Variants in PDE11A observed in about 807,000 individuals in gnomAD.
PDE11A encodes dual 3',5'-cyclic-AMP and -GMP phosphodiesterase 11A.
Under a neutral mutation model 100.5 loss-of-function variants are expected in PDE11A, and 100 were observed. That is an observed-to-expected ratio of 1.00 (90% CI 0.85 to 1.18). The LOEUF is 1.18. Among genes scored for constraint, PDE11A ranks in the 50% most tolerant of loss-of-function variants. The probability of loss-of-function intolerance (pLI) is 0.00; values close to 1 mark genes in which losing one functional copy is unlikely to be tolerated. For synonymous variants in PDE11A, 381 were observed against 420.8 expected, an observed-to-expected ratio of 0.91 and a Z score of 1.16; for missense variants, 1,141 against 1,152.6, an observed-to-expected ratio of 0.99 and a Z score of 0.15.
intron 5 of PDE11A, among the ~76,000 whole-genome samples, chr2:177,854,311 T>A (rs567424189): frequency 1.3e-4 from 20 of 152,052 alleles, no homozygotes; most frequent in Non-Finnish European, 2.1e-4. Flanking sequence ...TCATATTCAA[T>A]GCCATGAAAA....
intron 2 of PDE11A, among the ~76,000 whole-genome samples, chr2:177,989,146 T>C (rs2085973796): frequency 6.6e-6 from 1 of 152,240 alleles, no homozygotes. Context: ...AATACTGTCA[T>C]ACAGTCTAAA....
chr2:177,923,033 C>G (rs980818084), intron 2 of PDE11A, among the ~76,000 whole-genome samples: 1 of 127,036 alleles, frequency 7.9e-6, no homozygotes, highest in Admixed American at 7.4e-5. Flanking sequence ...CTACCATTGT[C>G]TCTCTGCATT....
intron 12 of PDE11A, among the ~76,000 whole-genome samples, chr2:177,718,683 A>G (rs903583648): frequency 2.6e-5 from 4 of 152,256 alleles, no homozygotes; most frequent in Admixed American, 6.5e-5. Flanking sequence ...GATGTATATC[A>G]AGATATTATC....
intron 3 of PDE11A, among the ~76,000 whole-genome samples, chr2:177,904,422 T>G (rs185317007): frequency 1.8e-4 from 28 of 152,318 alleles, no homozygotes; most frequent in African/African-American, 6.3e-4. Flanking sequence ...GGGGGTAAGA[T>G]CATGTTTGTA....
Position 177,817,345 on chromosome 2 carries a change from A to G in PDE11A, c.1645-424T>C, listed in dbSNP as rs191144749. Among the ~76,000 whole-genome samples, 336 of 152,324 alleles carry G rather than the reference A, an allele frequency of 2.2e-3. 1 individual carries two copies. The highest frequency in any genetic ancestry group is 4.4e-3 in the Admixed American group (67 of 15,294). ...AAGGTAAATGTTAAGGGGAAGGAGG[A>G]TTGAGTTAGAACCATTAATAAAGAA... On this transcript the variant is annotated intron_variant, in intron 8 of 19. Coordinates refer to ENST00000286063, the MANE Select transcript of PDE11A (RefSeq NM_016953.4).
At chr2:177,873,648 C>T (rs1003825520) in intron 5 of PDE11A, among the ~76,000 whole-genome samples, 7 of 152,086 alleles carry the variant, frequency 4.6e-5, no homozygotes, top group African/African-American at 9.7e-5. Context: ...TCCATCACAA[C>T]CCTCTACCCC....
At chr2:177,667,570 C>T (rs1167545684) in intron 18 of PDE11A, among the ~76,000 whole-genome samples, 1 of 152,116 alleles carries the variant, frequency 6.6e-6, no homozygotes, top group Non-Finnish European at 1.5e-5. Flanking sequence ...TTGTACTAGT[C>T]ACTTCTTAAT....
intron 2 of PDE11A, among the ~76,000 whole-genome samples, chr2:177,946,996 C>A (rs1367915059): frequency 3.9e-5 from 5 of 128,180 alleles, no homozygotes; most frequent in Admixed American, 1.4e-4. Context: ...CCAGCCGCCC[C>A]GTCCGGGAAG....
chr2:177,701,088 G>T (rs771367803), intron 14 of PDE11A, 33 bp downstream of exon 14: 2 of 1,227,534 alleles, frequency 1.6e-6, no homozygotes, highest in Non-Finnish European at 2.4e-6. Flanking sequence ...TTTGGTTTCT[G>T]TTAAGGGGAG....
At chr2:177,854,803 T>C (rs990711647) in intron 5 of PDE11A, among the ~76,000 whole-genome samples, 2 of 152,124 alleles carry the variant, frequency 1.3e-5, no homozygotes, top group African/African-American at 4.8e-5. Context: ...AATTCAGACC[T>C]GCTCAGCCAC....
intron 15 of PDE11A, chr2:177,687,482 C>T (rs1346201486): frequency 6.6e-6 from 1 of 152,064 alleles, no homozygotes; most frequent in African/African-American, 2.4e-5. Context: ...CGAGAGTTAC[C>T]CATGTTGTTA....
intron 2 of PDE11A, among the ~76,000 whole-genome samples, chr2:178,088,916 T>C (rs2105882581): frequency 6.6e-6 from 1 of 152,342 alleles, no homozygotes; most frequent in Middle Eastern, 3.4e-3. Flanking sequence ...ACTTGACAAC[T>C]GTAAAGAGTT....
intron 9 of PDE11A, among the ~76,000 whole-genome samples, chr2:177,809,703 G>C (rs944845633): frequency 6.6e-6 from 1 of 151,708 alleles, no homozygotes. Flanking sequence ...ATGAAGGGAA[G>C]GGAAGAAGCT....
At chr2:178,086,491 T>C (rs2087357115) in intron 2 of PDE11A, among the ~76,000 whole-genome samples, 1 of 152,190 alleles carries the variant, frequency 6.6e-6, no homozygotes, top group African/African-American at 2.4e-5. Flanking sequence ...CACATTCTTA[T>C]CTATGGTAGA....
chr2:177,769,003 G>GC (rs1417906805), intron 10 of PDE11A, among the ~76,000 whole-genome samples: 1 of 152,146 alleles, frequency 6.6e-6, no homozygotes, highest in African/African-American at 2.4e-5. Flanking sequence ...TAACTGAACA[G>GC]CAAGTTAGAG....
chr2:177,720,963 G>C (rs1251953623), intron 12 of PDE11A, among the ~76,000 whole-genome samples: 1 of 152,148 alleles, frequency 6.6e-6, no homozygotes, highest in African/African-American at 2.4e-5. Context: ...GCAAGTGCTT[G>C]TGTATGTAAG....
chr2:177,645,279 G>A (rs2080206470), intron 19 of PDE11A, among the ~76,000 whole-genome samples: 2 of 152,198 alleles, frequency 1.3e-5, no homozygotes, highest in African/African-American at 4.8e-5. Context: ...TCCACCTCCT[G>A]GGTTCAAGTG....
chr2:177,639,312 G>A (rs2080103567), intron 19 of PDE11A, among the ~76,000 whole-genome samples: 1 of 152,138 alleles, frequency 6.6e-6, no homozygotes, highest in Non-Finnish European at 1.5e-5. Context: ...ACTCAACCAT[G>A]GCTAGTAGTA....
In PDE11A at chr2:177,786,069, C is replaced by T. The variant is rs538466264; in HGVS notation, c.1738-16696G>A. ...CAGCACGCAGCTGGAGATCTGAGAACGGGCAGACTGCCTCGTCAAGTGGGT... is the reference window on the plus strand; with the variant it reads ...CAGCACGCAGCTGGAGATCTGAGAATGGGCAGACTGCCTCGTCAAGTGGGT... On this transcript the variant is annotated intron_variant, in intron 9 of 19. Transcript: ENST00000286063. Among the ~76,000 whole-genome samples the T allele has an allele frequency of 1.6e-3, 249 of 152,280 alleles. 2 individuals carry two copies. The highest frequency in any genetic ancestry group is 1.6e-3 in the Non-Finnish European group (109 of 68,014).
Sources: gnomAD v4.1 joint callset for allele counts (sites outside exome capture counted in the v4.1 genomes callset) on GRCh38, gnomAD v4.1.1 for gene constraint, MANE v1.5 for transcripts, NCBI Gene and HGNC (gene_info 2026-07-23, HGNC 2026-07-21) for gene names.